The following SDCCAG8 variants were observed in gnomAD, a reference collection of about 807,000 sequenced individuals.
The protein encoded by SDCCAG8 is SHH signaling and ciliogenesis regulator SDCCAG8.
In SDCCAG8, 74 loss-of-function variants were observed where a neutral mutation model predicts 101.8. The observed-to-expected ratio is 0.73, with a 90% CI of 0.60 to 0.88. The LOEUF (loss-of-function observed/expected upper bound fraction) is 0.88, where lower values mean the gene tolerates loss of function less well. Among genes scored for constraint, SDCCAG8 ranks in the 40% least tolerant of loss-of-function variants. SDCCAG8 has a pLI of 0.00. For missense variants in SDCCAG8, 787 were observed against 822.6 expected (o/e 0.96, Z 0.53); for synonymous variants, 281 against 292.9 (o/e 0.96, Z 0.41).
chr1:243,484,771 C>T (rs543946829), intron 16 of SDCCAG8, among the ~76,000 whole-genome samples: 28 of 152,282 alleles, frequency 1.8e-4, no homozygotes, highest in East Asian at 5.8e-4. Context: ...GTTGGCCGGG[C>T]GCGGTGGCTC....
At chr1:243,284,231 A>G (rs1160668849) in intron 4 of SDCCAG8, among the ~76,000 whole-genome samples, 2 of 152,198 alleles carry the variant, frequency 1.3e-5, no homozygotes, top group African/African-American at 4.8e-5. Flanking sequence ...GGCCTTTAGC[A>G]TGAGCTTTTA....
At chr1:243,298,048 CT>C (rs34885610) in intron 6 of SDCCAG8, among the ~76,000 whole-genome samples, 39,842 of 137,718 alleles carry the variant, frequency 0.29, 5,649 homozygotes, top group South Asian at 0.51. Flanking sequence ...TATAGTTTCA[CT>C]TTTTTTTTTT....
intron 13 of SDCCAG8, among the ~76,000 whole-genome samples, chr1:243,381,439 A>G (rs1244171667): frequency 2.6e-5 from 4 of 152,104 alleles, no homozygotes; most frequent in Non-Finnish European, 5.9e-5. Flanking sequence ...AAAACAAAAA[A>G]TATTAGTCAG....
chr1:243,475,290 CGGG>C (rs1558519860), intron 16 of SDCCAG8, among the ~76,000 whole-genome samples: 1 of 152,148 alleles, frequency 6.6e-6, no homozygotes, highest in African/African-American at 2.4e-5. Context: ...ATGTCTGGGG[CGGG>C]GGTCTTTCTA....
chr1:243,366,532 A>C (rs2076998620), intron 12 of SDCCAG8, among the ~76,000 whole-genome samples: 1 of 152,046 alleles, frequency 6.6e-6, no homozygotes, highest in Non-Finnish European at 1.5e-5. Flanking sequence ...ATAATGTGAA[A>C]ATGATGTTTA....
At chr1:243,282,757 G>A (rs559442680) in intron 4 of SDCCAG8, among the ~76,000 whole-genome samples, 7 of 152,054 alleles carry the variant, frequency 4.6e-5, no homozygotes, top group South Asian at 2.1e-4. Context: ...CTGTTTGCAC[G>A]GCTTCTGCAA....
intron 16 of SDCCAG8, among the ~76,000 whole-genome samples, chr1:243,480,331 T>G: frequency 1.8e-5 from 2 of 111,094 alleles, no homozygotes; most frequent in African/African-American, 3.6e-5. Context: ...GTGGGATGGA[T>G]GGATGGATAG....
chr1:243,299,867 ATTT>A (rs779092727), intron 6 of SDCCAG8, among the ~76,000 whole-genome samples: 1 of 140,722 alleles, frequency 7.1e-6, no homozygotes, highest in African/African-American at 2.6e-5. Flanking sequence ...CTTTGAATTA[ATTT>A]TTTTTTTTTT....
At position 243,280,528 on chromosome 1, in the gene SDCCAG8, A is replaced by G. The variant is rs527578459; in HGVS notation, c.421-5744A>G. 1.8e-4 allele frequency among the ~76,000 whole-genome samples: 27 copies of G among 152,218 alleles called. No individual in the cohort carries two copies. The East Asian group carries it at 2.5e-3, about 14-fold the overall frequency. ...TGCAACTTCTAAAGTAGAAGCTTAGATTATTTATTTGAAATCTTTCTTCTT... is the reference window on the plus strand; with the variant it reads ...TGCAACTTCTAAAGTAGAAGCTTAGGTTATTTATTTGAAATCTTTCTTCTT... On this transcript the variant is annotated intron_variant, in intron 4 of 17. Transcript: ENST00000366541.
intron 16 of SDCCAG8, among the ~76,000 whole-genome samples, chr1:243,462,711 T>G (rs777319162): frequency 6.6e-6 from 1 of 152,222 alleles, no homozygotes; most frequent in Non-Finnish European, 1.5e-5. Context: ...AGCACCTATG[T>G]GTGCACTGCA....
chr1:243,476,467 T>C, intron 16 of SDCCAG8: 4 of 636,308 alleles, frequency 6.3e-6, no homozygotes, highest in South Asian at 7.0e-5. Context: ...TGGTCAAATA[T>C]GAAGGAAATT....
intron 15 of SDCCAG8, among the ~76,000 whole-genome samples, chr1:243,419,767 G>A (rs1343577565): frequency 1.3e-5 from 2 of 152,180 alleles, no homozygotes; most frequent in Admixed American, 1.3e-4. Flanking sequence ...TCAAGCCACA[G>A]TAGTTATGAT....
At chr1:243,360,868 G>T (rs1178513801) in intron 12 of SDCCAG8, among the ~76,000 whole-genome samples, 6 of 151,972 alleles carry the variant, frequency 3.9e-5, no homozygotes, top group Non-Finnish European at 1.5e-5. Flanking sequence ...AACAACCTAT[G>T]TCTGATCTTG....
chr1:243,295,262 G>C lies in SDCCAG8; in HGVS notation c.675+2043G>C, dbSNP rs546796668. On this transcript the variant is annotated intron_variant, in intron 6 of 17. Coordinates refer to ENST00000366541, the MANE Select transcript of SDCCAG8 (RefSeq NM_006642.5). Reference sequence around the variant, plus strand: ...TTGTTTCTTGTTTCTTTTTGAGACAGAGTCTTGCTCTGTCGCCCAGGCAGG... The same window carrying C: ...TTGTTTCTTGTTTCTTTTTGAGACACAGTCTTGCTCTGTCGCCCAGGCAGG... Among the ~76,000 whole-genome samples, 54 of 152,226 alleles carry C rather than the reference G, an allele frequency of 3.5e-4. 1 individual carries two copies. In the South Asian group the frequency reaches 0.011, roughly 31 times the overall value.
At chr1:243,343,795 G>A (rs1244674896) in intron 11 of SDCCAG8, among the ~76,000 whole-genome samples, 1 of 152,186 alleles carries the variant, frequency 6.6e-6, no homozygotes, top group Non-Finnish European at 1.5e-5. Context: ...AACTGATGAA[G>A]TCTTTAAAAG....
intron 16 of SDCCAG8, among the ~76,000 whole-genome samples, chr1:243,483,241 C>T (rs1558531749): frequency 6.6e-6 from 1 of 152,058 alleles, no homozygotes; most frequent in Non-Finnish European, 1.5e-5. Context: ...TCGGAGCGCG[C>T]CCCCTGGGCT....
intron 16 of SDCCAG8, among the ~76,000 whole-genome samples, chr1:243,434,611 A>G (rs1463906829): frequency 1.3e-5 from 2 of 152,242 alleles, no homozygotes; most frequent in East Asian, 3.8e-4. Context: ...TAGAAATCAC[A>G]TAGAAAAGTT....
intron 6 of SDCCAG8, among the ~76,000 whole-genome samples, chr1:243,297,005 C>T (rs1280604358): frequency 1.3e-5 from 2 of 152,108 alleles, no homozygotes; most frequent in Non-Finnish European, 2.9e-5. Flanking sequence ...CAAAAATTTA[C>T]AGCTCAAAGA....
At chr1:243,488,126 A>T (rs1665444772) in intron 16 of SDCCAG8, 1 of 152,270 alleles carries the variant, frequency 6.6e-6, no homozygotes, top group Admixed American at 6.5e-5. Flanking sequence ...CGAAGGCCCA[A>T]ACGTGTGGCC....
Sources: allele counts gnomAD v4.1 joint callset (sites outside exome capture counted in the v4.1 genomes callset), GRCh38; gene constraint gnomAD v4.1.1; transcripts MANE v1.5; gene names NCBI Gene and HGNC (gene_info 2026-07-23, HGNC 2026-07-21).